CCDC91: variants seen among roughly 807,000 people sequenced by gnomAD.
CCDC91 encodes the protein coiled-coil domain containing 91.
Under a neutral mutation model 63.2 loss-of-function variants are expected in CCDC91, and 48 were observed. The ratio of observed to expected loss-of-function variants is 0.76; its 90% CI spans 0.60 to 0.97. The LOEUF is 0.97. CCDC91 is among the 50% of genes least tolerant of loss of function. The pLI, the probability that CCDC91 is intolerant of heterozygous loss-of-function variation, is 0.00. For synonymous variants in CCDC91, 167 were observed against 165.8 expected, an observed-to-expected ratio of 1.01 and a Z score of -0.06; for missense variants, 500 against 494.6, an observed-to-expected ratio of 1.01 and a Z score of -0.10.
rs1412747662 is a variant in CCDC91, at chr12:28,549,855, A to G, written c.*682A>G. On this transcript the variant is annotated 3_prime_UTR_variant, in exon 13 of 13. Coordinates refer to ENST00000536442, the MANE Select transcript of CCDC91 (RefSeq NM_018318.5). ...TTTCTGCTCTTTAAAGATACTTTGA[A>G]TCAATAAAACCATTAGTCTACAAAT... is the stretch of plus-strand genomic sequence containing the variant. The G allele has an allele frequency of 5.9e-5, 9 of 152,172 alleles. No homozygotes were observed. The highest frequency in any genetic ancestry group is 5.2e-4 in the Admixed American group (8 of 15,254). The allele number at this position is 152,172 out of a possible 1,614,324, so 9.4% of individuals were successfully genotyped here.
chr12:28,490,195 G>T (rs1002838602), intron 12 of CCDC91, among the ~76,000 whole-genome samples: 2 of 151,772 alleles, frequency 1.3e-5, no homozygotes, highest in African/African-American at 2.4e-5. Flanking sequence ...ATCCAATCTG[G>T]AGGAGGCTGT....
intron 8 of CCDC91, among the ~76,000 whole-genome samples, chr12:28,418,182 T>C (rs558737563): frequency 6.6e-6 from 1 of 152,244 alleles, no homozygotes; most frequent in Middle Eastern, 3.4e-3. Context: ...TCACAAGCAA[T>C]GTATGTGTGT....
At chr12:28,269,629 A>T (rs1313437704) in intron 3 of CCDC91, among the ~76,000 whole-genome samples, 2 of 152,112 alleles carry the variant, frequency 1.3e-5, no homozygotes, top group African/African-American at 4.8e-5. Flanking sequence ...AGTAAATGTT[A>T]CCTGTTTGTG....
At chr12:28,541,328 AG>A (rs1942616862) in intron 12 of CCDC91, among the ~76,000 whole-genome samples, 1 of 138,516 alleles carries the variant, frequency 7.2e-6, no homozygotes, top group African/African-American at 2.7e-5. Context: ...TGCAAAGAAA[AG>A]AATAAGACTT....
intron 12 of CCDC91, among the ~76,000 whole-genome samples, chr12:28,542,340 C>T (rs1942686189): frequency 6.6e-6 from 1 of 152,054 alleles, no homozygotes; most frequent in African/African-American, 2.4e-5. Flanking sequence ...TCTTTATACC[C>T]ATTTTTCATG....
intron 4 of CCDC91, 58 bp downstream of exon 4, chr12:28,305,864 T>C (rs1592260086): frequency 1.4e-6 from 2 of 1,397,080 alleles, no homozygotes; most frequent in East Asian, 2.4e-5. Flanking sequence ...GCCTGCTAAT[T>C]TAATTGTTGC....
At chr12:28,202,236 C>G (rs1310657398) in intron 1 of CCDC91, among the ~76,000 whole-genome samples, 2 of 152,108 alleles carry the variant, frequency 1.3e-5, no homozygotes, top group Non-Finnish European at 2.9e-5. Flanking sequence ...GTTTTAGTGT[C>G]TTTGTCTCAT....
intron 11 of CCDC91, among the ~76,000 whole-genome samples, chr12:28,473,625 T>C (rs1171875104): frequency 6.6e-6 from 1 of 152,152 alleles, no homozygotes; most frequent in Non-Finnish European, 1.5e-5. Flanking sequence ...ATGCAGACTA[T>C]TCATAGAGCC....
intron 12 of CCDC91, among the ~76,000 whole-genome samples, chr12:28,545,366 G>T (rs1942915750): frequency 1.3e-5 from 2 of 152,138 alleles, no homozygotes; most frequent in South Asian, 4.1e-4. Context: ...TCAGGAATTT[G>T]CCAAGAACAT....
intron 3 of CCDC91, among the ~76,000 whole-genome samples, chr12:28,304,375 T>TAAAAAAAAAAAAAAAAAAAAAA (rs777296414): frequency 2.2e-4 from 16 of 73,582 alleles, no homozygotes; most frequent in African/African-American, 7.0e-4. Context: ...AGACTCCGTC[T>TAAAAAAAAAAAAAAAAAAAAAA]AAAAAAAAAA....
rs546659504 is a variant in CCDC91, at chr12:28,472,055, G to A, written c.1102-11997G>A. 4.6e-5 allele frequency among the ~76,000 whole-genome samples: 7 copies of A among 152,198 alleles called. No homozygotes were observed. In the South Asian group the frequency reaches 1.4e-3, roughly 31 times the overall value. On this transcript the variant is annotated intron_variant, in intron 11 of 12. Coordinates refer to ENST00000536442, the MANE Select transcript of CCDC91 (RefSeq NM_018318.5). ...CATGAGCCACCACGCCCGGCCCATT[G>A]TTTCATTTCTGAGATCATGTCTTAA...
At chr12:28,491,004 G>T (rs1249741477) in intron 12 of CCDC91, among the ~76,000 whole-genome samples, 1 of 151,660 alleles carries the variant, frequency 6.6e-6, no homozygotes, top group Non-Finnish European at 1.5e-5. Context: ...CTGTAGCAAG[G>T]AATATAAAAT....
intron 1 of CCDC91, among the ~76,000 whole-genome samples, chr12:28,237,724 A>G (rs555243026): frequency 5.9e-5 from 9 of 152,218 alleles, no homozygotes; most frequent in Non-Finnish European, 1.2e-4. Context: ...TGTTGTTTTC[A>G]GCCACCAAGT....
intron 1 of CCDC91, among the ~76,000 whole-genome samples, chr12:28,210,669 T>A (rs1208020913): frequency 1.3e-5 from 2 of 152,148 alleles, no homozygotes; most frequent in Non-Finnish European, 2.9e-5. Context: ...TTCTTATAAA[T>A]TTTTTATTAC....
intron 11 of CCDC91, among the ~76,000 whole-genome samples, chr12:28,471,391 G>C (rs1038221764): frequency 4.6e-5 from 7 of 152,152 alleles, no homozygotes; most frequent in Non-Finnish European, 7.3e-5. Context: ...CCTCTCATAT[G>C]TTTTCAGGAA....
chr12:28,471,754 C>CTTTT (rs1950826579), intron 11 of CCDC91, among the ~76,000 whole-genome samples: 1 of 132,842 alleles, frequency 7.5e-6, no homozygotes, highest in Non-Finnish European at 1.8e-5. Context: ...TTTATTTTCT[C>CTTTT]TCTCTTTTTT....
intron 1 of CCDC91, among the ~76,000 whole-genome samples, chr12:28,203,466 CT>C (rs202176608): frequency 0.012 from 1,763 of 152,270 alleles, 8 homozygotes; most frequent in Middle Eastern, 0.02. Context: ...TGTTTATCAT[CT>C]GTGGTATACA....
chr12:28,484,686 A>G (rs966847362), intron 12 of CCDC91, among the ~76,000 whole-genome samples: 3 of 152,034 alleles, frequency 2.0e-5, no homozygotes, highest in Non-Finnish European at 4.4e-5. Context: ...GCATTTTCAT[A>G]CAATGTGGTT....
intron 8 of CCDC91, among the ~76,000 whole-genome samples, chr12:28,436,589 T>C (rs1283259332): frequency 1.3e-5 from 2 of 151,936 alleles, no homozygotes; most frequent in Middle Eastern, 3.4e-3. Flanking sequence ...GTGCCCTCTT[T>C]TATGTGGATC....
Sources: gnomAD v4.1 joint callset for allele counts (sites outside exome capture counted in the v4.1 genomes callset) on GRCh38, gnomAD v4.1.1 for gene constraint, MANE v1.5 for transcripts, NCBI Gene and HGNC (gene_info 2026-07-23, HGNC 2026-07-21) for gene names.